CSMD1: variants seen among roughly 807,000 people sequenced by gnomAD.
The protein encoded by CSMD1 is CUB and Sushi multiple domains 1, also known as CUB and sushi domain-containing protein 1.
In CSMD1, 213 loss-of-function variants were observed where a neutral mutation model predicts 417.5. The observed-to-expected ratio is 0.51, with a 90% CI of 0.46 to 0.57. The LOEUF is 0.57. Ranked by LOEUF, CSMD1 falls within the 20% of genes least tolerant of loss-of-function variation. CSMD1 has a pLI of 0.00. For missense variants in CSMD1, 6,923 were observed against 4,529.7 expected, an observed-to-expected ratio of 1.53 and a Z score of -15.17; for synonymous variants, 2,862 against 1,736.8, an observed-to-expected ratio of 1.65 and a Z score of -16.11.
chr8:4,490,709 C>T (rs117770597), intron 2 of CSMD1, among the ~76,000 whole-genome samples: 2 of 152,148 alleles, frequency 1.3e-5, no homozygotes, highest in Non-Finnish European at 2.9e-5. Context: ...ACTTCAGGTG[C>T]ATGGGAGACA....
intron 2 of CSMD1, among the ~76,000 whole-genome samples, chr8:4,534,342 G>A (rs552834908): frequency 6.6e-6 from 1 of 152,308 alleles, no homozygotes; most frequent in African/African-American, 2.4e-5. Context: ...TTACTTTGAA[G>A]CAATTTTTGC....
At chr8:4,267,842 C>T (rs1331279500) in intron 3 of CSMD1, among the ~76,000 whole-genome samples, 1 of 151,990 alleles carries the variant, frequency 6.6e-6, no homozygotes, top group African/African-American at 2.4e-5. Context: ...TATAATTTAG[C>T]TTGAATTATT....
At chr8:4,857,803 A>C (rs1232879398) in intron 1 of CSMD1, among the ~76,000 whole-genome samples, 1 of 152,098 alleles carries the variant, frequency 6.6e-6, no homozygotes. Flanking sequence ...GTCCAGGACC[A>C]GATGGATTCA....
chr8:4,178,251 C>T (rs910176181), intron 3 of CSMD1, among the ~76,000 whole-genome samples: 14 of 152,102 alleles, frequency 9.2e-5, no homozygotes, highest in African/African-American at 2.9e-4. Context: ...TGGGCTTCAT[C>T]CCTGGGATGC....
At chr8:3,653,305 G>A (rs1013733813) in intron 7 of CSMD1, among the ~76,000 whole-genome samples, 1 of 151,990 alleles carries the variant, frequency 6.6e-6, no homozygotes, top group Non-Finnish European at 1.5e-5. Context: ...AAAGTTATGG[G>A]GGTTCTTTTG....
intron 3 of CSMD1, among the ~76,000 whole-genome samples, chr8:4,318,153 T>C (rs532079802): frequency 6.6e-6 from 1 of 152,290 alleles, no homozygotes; most frequent in South Asian, 2.1e-4. Flanking sequence ...TGAAATAATA[T>C]GAACATTCTA....
intron 54 of CSMD1, among the ~76,000 whole-genome samples, chr8:2,995,994 C>A (rs997697940): frequency 6.6e-6 from 1 of 152,118 alleles, no homozygotes; most frequent in Admixed American, 6.6e-5. Context: ...TGTCCATATG[C>A]TGGTTGGTCT....
chr8:3,374,670 G>C (rs760028295), intron 18 of CSMD1, among the ~76,000 whole-genome samples: 4 of 152,176 alleles, frequency 2.6e-5, no homozygotes, highest in African/African-American at 9.6e-5. Context: ...AAATGCAGAA[G>C]ATCAGAAGCA....
chr8:3,000,426 T>C (rs753583159), intron 52 of CSMD1, among the ~76,000 whole-genome samples: 3 of 152,114 alleles, frequency 2.0e-5, no homozygotes, highest in Non-Finnish European at 4.4e-5. Flanking sequence ...TTCAGTTATT[T>C]ACCTTGTTAT....
At chr8:4,163,281 G>C (rs976983189) in intron 3 of CSMD1, among the ~76,000 whole-genome samples, 2 of 152,134 alleles carry the variant, frequency 1.3e-5, no homozygotes, top group African/African-American at 4.8e-5. Context: ...CATGTTGAGA[G>C]TATGTTTAGT....
At chr8:4,833,862 C>T (rs1464746128) in intron 1 of CSMD1, among the ~76,000 whole-genome samples, 1 of 152,226 alleles carries the variant, frequency 6.6e-6, no homozygotes, top group East Asian at 1.9e-4. Context: ...GCTCTGTACT[C>T]TAGTGAAGGT....
intron 1 of CSMD1, among the ~76,000 whole-genome samples, chr8:4,824,846 G>T (rs887131623): frequency 2.0e-5 from 3 of 152,096 alleles, no homozygotes; most frequent in African/African-American, 4.8e-5. Context: ...GAAACAATCT[G>T]TATCTCCAAG....
At chr8:3,835,874 C>T (rs532242591) in intron 5 of CSMD1, among the ~76,000 whole-genome samples, 6 of 152,086 alleles carry the variant, frequency 3.9e-5, no homozygotes, top group East Asian at 3.9e-4. Context: ...CTGTACCATT[C>T]GTTTTTTCCA....
At chr8:4,687,428 C>T (rs73659187) in intron 1 of CSMD1, among the ~76,000 whole-genome samples, 7,770 of 152,168 alleles carry the variant, frequency 0.051, 681 homozygotes, top group African/African-American at 0.18. Context: ...AAATGAAAAA[C>T]TTTCAATGTT....
chr8:3,782,604 C>A (rs1209325697), intron 5 of CSMD1, among the ~76,000 whole-genome samples: 1 of 152,106 alleles, frequency 6.6e-6, no homozygotes, highest in Non-Finnish European at 1.5e-5. Flanking sequence ...ATGTAACAAA[C>A]CTGCACGTTG....
At chr8:3,465,777 G>C (rs1171196812) in intron 12 of CSMD1, among the ~76,000 whole-genome samples, 1 of 152,160 alleles carries the variant, frequency 6.6e-6, no homozygotes, top group Non-Finnish European at 1.5e-5. Context: ...AGAAATTCAA[G>C]TCGATGTTAA....
intron 2 of CSMD1, among the ~76,000 whole-genome samples, chr8:4,493,744 T>A (rs1472683952): frequency 6.6e-6 from 1 of 152,120 alleles, no homozygotes; most frequent in African/African-American, 2.4e-5. Flanking sequence ...ATTCAACATT[T>A]AAAAATAATT....
At chr8:3,879,455 G>C (rs759093738) in intron 5 of CSMD1, among the ~76,000 whole-genome samples, 2 of 152,096 alleles carry the variant, frequency 1.3e-5, no homozygotes, top group African/African-American at 4.8e-5. Flanking sequence ...CAATGTCCCA[G>C]GTTTTTGCTT....
intron 12 of CSMD1, among the ~76,000 whole-genome samples, chr8:3,467,570 G>A (rs982570375): frequency 3.3e-5 from 5 of 152,130 alleles, no homozygotes; most frequent in African/African-American, 1.2e-4. Flanking sequence ...ATTCACAAGG[G>A]TCATTAAGTC....
Sources: gnomAD v4.1 joint callset for allele counts (sites outside exome capture counted in the v4.1 genomes callset) on GRCh38, gnomAD v4.1.1 for gene constraint, MANE v1.5 for transcripts, NCBI Gene and HGNC (gene_info 2026-07-23, HGNC 2026-07-21) for gene names.